Variants in TEX9 observed in about 807,000 individuals in gnomAD.
TEX9 encodes the protein testis expressed 9, also known as testis-expressed protein 9.
Under a neutral mutation model 59.6 loss-of-function variants are expected in TEX9, and 74 were observed. The observed-to-expected ratio is 1.24, with a 90% CI of 1.03 to 1.51. The LOEUF (loss-of-function observed/expected upper bound fraction) is 1.51, where lower values mean the gene tolerates loss of function less well. TEX9 is among the 40% of genes most tolerant of loss of function. The probability of loss-of-function intolerance (pLI) is 0.00; values close to 1 mark genes in which losing one functional copy is unlikely to be tolerated. For synonymous variants in TEX9, 186 were observed against 152.2 expected (o/e 1.22, Z -1.64); for missense variants, 522 against 447.8 (o/e 1.17, Z -1.49).
intron 1 of TEX9, among the ~76,000 whole-genome samples, chr15:56,345,828 A>G (rs1209250452): frequency 2.0e-5 from 3 of 152,216 alleles, no homozygotes; most frequent in African/African-American, 7.2e-5. Flanking sequence ...AACAACTTGG[A>G]GTCAGAAGTG....
At chr15:56,444,566 A>T (rs1258188346) in intron 12 of TEX9, 2 of 1,612,750 alleles carry the variant, frequency 1.2e-6, no homozygotes, top group Admixed American at 3.3e-5. Context: ...CTAAGTCAAG[A>T]TAGTACTGTG....
rs16976912 is a variant in TEX9, at chr15:56,444,569, G to A, written c.*30-1102G>A. On this transcript the variant is annotated intron_variant, in intron 12 of 12. Transcript: ENST00000352903. The stretch of plus-strand genomic sequence containing the variant: ...CAAGTTGTTTCTCTAAGTCAAGATA[G>A]TACTGTGCTTTCGCTTTGTTTCGTT... 1,065 of 1,612,700 alleles carry A rather than the reference G, an allele frequency of 6.6e-4. 5 individuals carry two copies. In the African/African-American group the frequency reaches 9.8e-3, roughly 15 times the overall value.
chr15:56,385,917 TG>T (rs1474055340), intron 4 of TEX9, among the ~76,000 whole-genome samples: 2 of 152,096 alleles, frequency 1.3e-5, no homozygotes, highest in African/African-American at 4.8e-5. Context: ...AAATAATTAT[TG>T]CATGCGATCC....
intron 1 of TEX9, among the ~76,000 whole-genome samples, chr15:56,310,818 G>A (rs1408987758): frequency 1.3e-5 from 2 of 152,174 alleles, no homozygotes; most frequent in African/African-American, 4.8e-5. Context: ...ACCCTTTCAG[G>A]AGTTCCAATG....
At chr15:56,405,154 A>T (rs1168712876) in intron 9 of TEX9, among the ~76,000 whole-genome samples, 1 of 152,086 alleles carries the variant, frequency 6.6e-6, no homozygotes, top group Non-Finnish European at 1.5e-5. Context: ...TAAAATACAA[A>T]AAAGCCGGGC....
intron 1 of TEX9, among the ~76,000 whole-genome samples, chr15:56,297,150 C>T (rs571786941): frequency 4.5e-4 from 68 of 152,128 alleles, no homozygotes; most frequent in African/African-American, 1.5e-3. Context: ...GAATGGCAAC[C>T]GGCCAAGCAT....
At chr15:56,418,309 C>T (rs1234780968) in intron 10 of TEX9, among the ~76,000 whole-genome samples, 3 of 151,772 alleles carry the variant, frequency 2.0e-5, no homozygotes, top group African/African-American at 7.3e-5. Flanking sequence ...TTTGTCTTAG[C>T]TGGTAGTGGT....
At chr15:56,444,425 A>G (rs767565057) in intron 12 of TEX9, 2 of 1,583,110 alleles carry the variant, frequency 1.3e-6, no homozygotes, top group Non-Finnish European at 1.7e-6. Context: ...GACATGTAAG[A>G]AAGTTAGGAT....
intron 1 of TEX9, among the ~76,000 whole-genome samples, chr15:56,264,830 T>C (rs1425046953): frequency 2.0e-5 from 3 of 152,230 alleles, no homozygotes; most frequent in Non-Finnish European, 4.4e-5. Flanking sequence ...ACAGATGTCC[T>C]TTTCCACACT....
At chr15:56,335,875 T>C (rs1413366820) in intron 1 of TEX9, among the ~76,000 whole-genome samples, 4 of 152,174 alleles carry the variant, frequency 2.6e-5, no homozygotes, top group African/African-American at 9.7e-5. Flanking sequence ...TTTAGAAATA[T>C]GACTTATATA....
At chr15:56,417,369 C>T (rs781196443) in intron 10 of TEX9, among the ~76,000 whole-genome samples, 40 of 151,846 alleles carry the variant, frequency 2.6e-4, no homozygotes, top group Non-Finnish European at 5.3e-4. Flanking sequence ...TCTCCCTTAG[C>T]TGTGTTCTAG....
chr15:56,405,775 A>C (rs1427449940), intron 9 of TEX9, among the ~76,000 whole-genome samples: 1 of 152,070 alleles, frequency 6.6e-6, no homozygotes, highest in Non-Finnish European at 1.5e-5. Context: ...CCAGAGCTTG[A>C]GTGTGATGGA....
intron 1 of TEX9, among the ~76,000 whole-genome samples, chr15:56,275,305 T>C (rs1353646018): frequency 1.3e-5 from 2 of 152,204 alleles, no homozygotes; most frequent in East Asian, 1.9e-4. Context: ...TTGTTCTTAG[T>C]GGACAAAGGA....
At chr15:56,306,527 T>G (rs2713906) in intron 1 of TEX9, among the ~76,000 whole-genome samples, 69,589 of 151,952 alleles carry the variant, frequency 0.46, 16,616 homozygotes, top group East Asian at 0.88. Flanking sequence ...CTTTGCATGT[T>G]ATCACTCATT....
chr15:56,446,978 G>T, downstream of TEX9: 1 of 1,460,090 alleles, frequency 6.8e-7, no homozygotes, highest in Non-Finnish European at 9.5e-7. Flanking sequence ...TTAAATGTTA[G>T]GACCATAAGA....
chr15:56,371,483 C>T (rs2047188018), intron 2 of TEX9, among the ~76,000 whole-genome samples: 1 of 151,536 alleles, frequency 6.6e-6, no homozygotes, highest in Non-Finnish European at 1.5e-5. Flanking sequence ...CAAATTAATG[C>T]TAATTTTAAA....
intron 10 of TEX9, among the ~76,000 whole-genome samples, chr15:56,416,396 T>C (rs1376157572): frequency 6.6e-6 from 1 of 151,990 alleles, no homozygotes; most frequent in African/African-American, 2.4e-5. Flanking sequence ...CTCCAATATC[T>C]ATGTTATTTA....
At chr15:56,412,592 T>A (rs1438340120) in intron 10 of TEX9, among the ~76,000 whole-genome samples, 156 bp downstream of exon 10, 1 of 152,198 alleles carries the variant, frequency 6.6e-6, no homozygotes, top group Non-Finnish European at 1.5e-5. Context: ...TACACATTTC[T>A]AACATGTTAG....
intron 1 of TEX9, among the ~76,000 whole-genome samples, chr15:56,358,277 G>T (rs1328581693): frequency 6.6e-6 from 1 of 151,676 alleles, no homozygotes; most frequent in African/African-American, 2.4e-5. Context: ...TGGAGAATGA[G>T]ATGTCAGGAG....
Sources: allele counts gnomAD v4.1 joint callset (sites outside exome capture counted in the v4.1 genomes callset), GRCh38; gene constraint gnomAD v4.1.1; transcripts MANE v1.5; gene names NCBI Gene and HGNC (gene_info 2026-07-23, HGNC 2026-07-21).